The following CACNB4 variants were observed in gnomAD, a reference collection of about 807,000 sequenced individuals.
CACNB4 encodes the protein calcium voltage-gated channel auxiliary subunit beta 4, also known as voltage-dependent L-type calcium channel subunit beta-4.
A neutral mutation model predicts 71.2 loss-of-function variants in CACNB4; 32 were observed. The ratio of observed to expected loss-of-function variants is 0.45; its 90% confidence interval spans 0.34 to 0.60. The LOEUF (loss-of-function observed/expected upper bound fraction) is 0.60. Among genes scored for constraint, CACNB4 ranks in the 20% least tolerant of loss-of-function variants. CACNB4 has a pLI of 0.01. For synonymous variants in CACNB4, 231 were observed against 236.9 expected (o/e 0.97, Z 0.23); for missense variants, 464 against 647.9 (o/e 0.72, Z 3.08).
intron 2 of CACNB4, among the ~76,000 whole-genome samples, chr2:152,049,938 C>T (rs921335203): frequency 8.5e-5 from 13 of 152,254 alleles, no homozygotes; most frequent in Non-Finnish European, 1.9e-4. Flanking sequence ...AATGTGTCGA[C>T]TTGTCTGCAA....
intron 2 of CACNB4, among the ~76,000 whole-genome samples, chr2:151,989,789 A>G (rs1271218002): frequency 6.6e-6 from 1 of 152,138 alleles, no homozygotes; most frequent in African/African-American, 2.4e-5. Flanking sequence ...TGCAATAGTG[A>G]ACTCACCTCC....
intron 2 of CACNB4, among the ~76,000 whole-genome samples, chr2:151,964,044 G>T (rs1029115067): frequency 7.3e-6 from 1 of 136,652 alleles, no homozygotes; most frequent in Non-Finnish European, 1.5e-5. Context: ...ACTCCAACCT[G>T]GCCAGAGCAA....
intron 2 of CACNB4, among the ~76,000 whole-genome samples, chr2:152,077,241 C>A (rs750674595): frequency 6.6e-6 from 1 of 151,916 alleles, no homozygotes; most frequent in African/African-American, 2.4e-5. Flanking sequence ...GCCAAAATGG[C>A]GAAACCTTGT....
intron 2 of CACNB4, among the ~76,000 whole-genome samples, chr2:151,928,970 TCAA>T (rs943589506): frequency 1.6e-4 from 25 of 151,994 alleles, no homozygotes; most frequent in African/African-American, 5.8e-4. Context: ...CTGTCTGAAC[TCAA>T]CAAATAGTTC....
intron 9 of CACNB4, chr2:151,861,851 A>AAAAAAAAAAAAAAACAAAAAAC (rs201014643): frequency 2.2e-5 from 3 of 135,288 alleles, no homozygotes; most frequent in Non-Finnish European, 4.8e-5. Context: ...TCAAAAAAAA[A>AAAAAAAAAAAAAAACAAAAAAC]AAAAAAACTG....
At chr2:152,032,278 C>T (rs1373343686) in intron 2 of CACNB4, among the ~76,000 whole-genome samples, 2 of 152,176 alleles carry the variant, frequency 1.3e-5, no homozygotes, top group Non-Finnish European at 2.9e-5. Context: ...AGGGAAGGGA[C>T]TGACCCAGGC....
At chr2:152,021,191 G>A (rs1055002756) in intron 2 of CACNB4, among the ~76,000 whole-genome samples, 8 of 152,134 alleles carry the variant, frequency 5.3e-5, no homozygotes, top group Non-Finnish European at 1.0e-4. Flanking sequence ...AGGTTGCAGT[G>A]AGCAGAGATT....
At chr2:151,973,670 G>C (rs149715354) in intron 2 of CACNB4, 1 of 1,613,278 alleles carries the variant, frequency 6.2e-7, no homozygotes, top group Non-Finnish European at 8.5e-7. Flanking sequence ...AATACTTACA[G>C]CCTCCGAGTC....
chr2:152,012,353 C>T (rs2105070980), intron 2 of CACNB4, among the ~76,000 whole-genome samples: 1 of 152,244 alleles, frequency 6.6e-6, no homozygotes, highest in African/African-American at 2.4e-5. Context: ...CCTGTAATCC[C>T]AGCACTTTGG....
At chr2:151,888,703 T>A (rs1210019726) in intron 2 of CACNB4, among the ~76,000 whole-genome samples, 2 of 152,230 alleles carry the variant, frequency 1.3e-5, no homozygotes, top group Admixed American at 6.5e-5. Context: ...ACGCTGAGCA[T>A]CAGTCAGATA....
chr2:151,920,678 T>C (rs1180912723), intron 2 of CACNB4, among the ~76,000 whole-genome samples: 1 of 152,136 alleles, frequency 6.6e-6, no homozygotes, highest in East Asian at 1.9e-4. Context: ...TATTGTACTT[T>C]GTAATTTGGT....
At chr2:151,917,834 CAAAAAAAAA>C (rs35688438) in intron 2 of CACNB4, among the ~76,000 whole-genome samples, 2 of 116,244 alleles carry the variant, frequency 1.7e-5, no homozygotes, top group South Asian at 6.1e-4. Flanking sequence ...GACACTGTCT[CAAAAAAAAA>C]AAAAAAAAAG....
At chr2:151,945,399 TG>T (rs1578910551) in intron 2 of CACNB4, among the ~76,000 whole-genome samples, 1 of 152,328 alleles carries the variant, frequency 6.6e-6, no homozygotes, top group East Asian at 1.9e-4. Context: ...CCGGGCATGA[TG>T]GCTCATGCCT....
Position 151,835,203 on chromosome 2 carries a change from T to C in CACNB4, c.*3916A>G, listed in dbSNP as rs1010102318. The stretch of plus-strand genomic sequence containing the variant: ...CACACAAAGGCAATTCCCTTGCAGT[T>C]TGTTTTGTTCCCTATGATGACTTAT... On this transcript the variant is annotated 3_prime_UTR_variant, in exon 14 of 14. Transcript: ENST00000539935. 3 of 151,934 alleles carry C rather than the reference T, an allele frequency of 2.0e-5. No individual in the cohort carries two copies. The highest frequency in any genetic ancestry group is 7.2e-5 in the African/African-American group (3 of 41,436). The allele number at this position is 151,934 out of a possible 1,614,324, so 9.4% of individuals were successfully genotyped here.
At chr2:151,972,201 C>T (rs2099872753) in intron 2 of CACNB4, 1 of 152,494 alleles carries the variant, frequency 6.6e-6, no homozygotes, top group Admixed American at 6.5e-5. Context: ...TTCACAGCAG[C>T]CAGTTTCTAC....
intron 2 of CACNB4, among the ~76,000 whole-genome samples, chr2:151,942,507 A>G (rs1195069135): frequency 6.7e-6 from 1 of 148,868 alleles, no homozygotes; most frequent in Non-Finnish European, 1.5e-5. Flanking sequence ...AGAACAAAAT[A>G]ACAGCGATTT....
At chr2:152,099,115 C>T, upstream of CACNB4, 2 of 676,784 alleles carry the variant, frequency 3.0e-6, no homozygotes, top group Non-Finnish European at 4.7e-6. Flanking sequence ...CTTCCCCACC[C>T]GGCTCCAGGA....
chr2:151,870,633 G>A (rs768249769), intron 7 of CACNB4, 22 bp from the exon 8 acceptor site: 17 of 1,592,198 alleles, frequency 1.1e-5, no homozygotes, highest in South Asian at 2.2e-5. Flanking sequence ...GATTCGACAC[G>A]CGTGACAAGG....
Position 152,019,952 on chromosome 2 carries a change from C to T in CACNB4, c.147+78378G>A, listed in dbSNP as rs150958153. 1.4e-3 allele frequency among the ~76,000 whole-genome samples: 216 copies of T among 152,296 alleles called. 2 individuals are homozygous for T. Among genetic ancestry groups the T allele is most frequent in the African/African-American group, 4.8e-3 (201 of 41,560 alleles). On this transcript the variant is annotated intron_variant, in intron 2 of 13. Coordinates refer to ENST00000539935, the MANE Select transcript of CACNB4 (RefSeq NM_000726.5). The stretch of plus-strand genomic sequence containing the variant: ...GAAGAGGAATCTTTAGATTGAGAGG[C>T]AGTCAGAATGAGAGTGAGAGGGCAA...
Sources: gnomAD v4.1 joint callset for allele counts (sites outside exome capture counted in the v4.1 genomes callset) on GRCh38, gnomAD v4.1.1 for gene constraint, MANE v1.5 for transcripts, NCBI Gene and HGNC (gene_info 2026-07-23, HGNC 2026-07-21) for gene names.